Variants in GRIK4 observed in about 807,000 individuals in gnomAD.
GRIK4 encodes the protein glutamate ionotropic receptor kainate type subunit 4.
Under a neutral mutation model 104.9 loss-of-function variants are expected in GRIK4, and 40 were observed. That is an observed-to-expected ratio of 0.38 (90% CI 0.30 to 0.50). The LOEUF (loss-of-function observed/expected upper bound fraction) is 0.50. Among genes scored for constraint, GRIK4 ranks in the 20% least tolerant of loss-of-function variants. The pLI is 0.93. For synonymous variants in GRIK4, 485 were observed against 524.9 expected (o/e 0.92, Z 1.04); for missense variants, 1,047 against 1,308.1 (o/e 0.80, Z 3.08).
chr11:120,639,721 C>T (rs1019376711), intron 1 of GRIK4, among the ~76,000 whole-genome samples: 5 of 152,220 alleles, frequency 3.3e-5, no homozygotes, highest in African/African-American at 9.6e-5. Context: ...TATCTGTCTC[C>T]AGGACCTCTT....
intron 3 of GRIK4, among the ~76,000 whole-genome samples, chr11:120,711,566 AAGAGCAG>A (rs1181344904): frequency 6.6e-6 from 1 of 152,190 alleles, no homozygotes; most frequent in Non-Finnish European, 1.5e-5. Context: ...TTCAGAATCT[AAGAGCAG>A]AGACTCCCAA....
chr11:120,982,661 A>G (rs959691163), intron 20 of GRIK4, among the ~76,000 whole-genome samples: 1 of 152,222 alleles, frequency 6.6e-6, no homozygotes, highest in Non-Finnish European at 1.5e-5. Flanking sequence ...ACAGTTTGAA[A>G]AGAAGGAAGA....
chr11:120,563,345 C>T (rs1405605103), intron 1 of GRIK4, among the ~76,000 whole-genome samples: 1 of 152,098 alleles, frequency 6.6e-6, no homozygotes, highest in African/African-American at 2.4e-5. Flanking sequence ...TCCAGCTTCT[C>T]TGGGCTCCAG....
rs575269661 is a variant in GRIK4, at chr11:120,520,601, A to G, written c.-159+8714A>G. On this transcript the variant is annotated intron_variant, in intron 1 of 20. Transcript: ENST00000527524. ...GACAGGACTTTAGGAGGTTAAAAGC[A>G]GTCCTGCCCCCACTGGACCAACCAG... Among the ~76,000 whole-genome samples, 134 of 152,318 alleles carry G rather than the reference A, an allele frequency of 8.8e-4. 2 individuals carry two copies. The highest frequency in any genetic ancestry group is 3.4e-4 in the Non-Finnish European group (23 of 68,032).
chr11:120,787,997 C>T (rs1195429903), intron 3 of GRIK4, among the ~76,000 whole-genome samples: 1 of 149,890 alleles, frequency 6.7e-6, no homozygotes, highest in African/African-American at 2.5e-5. Context: ...TCCCTAGTAG[C>T]TGAGACTGCA....
intron 4 of GRIK4, among the ~76,000 whole-genome samples, chr11:120,812,127 C>T (rs141017031): frequency 3.3e-5 from 5 of 152,248 alleles, no homozygotes; most frequent in African/African-American, 4.8e-5. Context: ...TGGCAGTAGA[C>T]GTAGGAAGGA....
intron 13 of GRIK4, among the ~76,000 whole-genome samples, chr11:120,925,252 C>A (rs965298106): frequency 2.0e-5 from 3 of 152,138 alleles, no homozygotes; most frequent in African/African-American, 7.2e-5. Context: ...TCTCACCATT[C>A]CTAATTACAG....
chr11:120,986,281 G>A lies in GRIK4; in HGVS notation c.*21G>A, dbSNP rs934269740. On this transcript the variant is annotated 3_prime_UTR_variant, in exon 21 of 21. Coordinates refer to ENST00000527524, the MANE Select transcript of GRIK4 (RefSeq NM_014619.5). ...AGTAGTCCCGGAGGCCACAGGACGC[G>A]CAGAGGCCGGGCGGGGCGGGAGGGG... 15 of 1,417,428 alleles carry A rather than the reference G, an allele frequency of 1.1e-5. No individual in the cohort carries two copies. Among genetic ancestry groups the A allele is most frequent in the Non-Finnish European group, 1.3e-5 (14 of 1,060,024 alleles). The allele number at this position is 1,417,428 out of a possible 1,614,324, so 87.8% of individuals were successfully genotyped here.
chr11:120,847,344 A>G (rs1046066379), intron 8 of GRIK4, among the ~76,000 whole-genome samples: 2 of 152,212 alleles, frequency 1.3e-5, no homozygotes, highest in Non-Finnish European at 2.9e-5. Flanking sequence ...CCAGGAGGTC[A>G]GACTAGAGGG....
intron 4 of GRIK4, among the ~76,000 whole-genome samples, chr11:120,808,534 G>A (rs1262434015): frequency 6.6e-6 from 1 of 152,170 alleles, no homozygotes; most frequent in African/African-American, 2.4e-5. Context: ...GGCGATGGCG[G>A]TCTTGAGTTC....
chr11:120,701,455 C>A (rs1414740870), intron 3 of GRIK4, among the ~76,000 whole-genome samples: 1 of 152,084 alleles, frequency 6.6e-6, no homozygotes, highest in Non-Finnish European at 1.5e-5. Context: ...ATGGCAGGAT[C>A]TCCTTTTTAA....
chr11:120,603,011 A>G (rs1948907481), intron 1 of GRIK4, among the ~76,000 whole-genome samples: 1 of 152,162 alleles, frequency 6.6e-6, no homozygotes, highest in African/African-American at 2.4e-5. Flanking sequence ...CCAGTGTCTT[A>G]TTAATATTAG....
At chr11:120,959,501 T>G (rs1944241014) in intron 16 of GRIK4, among the ~76,000 whole-genome samples, 1 of 152,242 alleles carries the variant, frequency 6.6e-6, no homozygotes, top group East Asian at 1.9e-4. Flanking sequence ...TAAAGCCCCA[T>G]GAACTCAGGC....
rs1948116036 is a variant in GRIK4, at chr11:120,549,232, GGGATT to G, written c.-159+37346_-159+37350del. ...TACTGCCTCAGCCTCCCAAGTAGCT[GGGATT>G]ACAGGCACACGCCACTACACCTGGC... On this transcript the variant is annotated intron_variant, in intron 1 of 20. Transcript: ENST00000527524. The surrounding 1 kb of genome is among the most constrained non-coding windows in gnomAD (Gnocchi z 4.7). Among the ~76,000 whole-genome samples, 1 of 152,010 alleles carries G rather than the reference GGGATT, an allele frequency of 6.6e-6. No homozygotes were observed. The highest frequency in any genetic ancestry group is 1.5e-5 in the Non-Finnish European group (1 of 68,004).
chr11:120,748,401 C>T (rs1485252414), intron 3 of GRIK4, among the ~76,000 whole-genome samples: 1 of 152,038 alleles, frequency 6.6e-6, no homozygotes, highest in East Asian at 1.9e-4. Flanking sequence ...GTACGCAGGC[C>T]CCATGTCTGT....
chr11:120,581,778 G>GT (rs1179095811), intron 1 of GRIK4, among the ~76,000 whole-genome samples: 1 of 151,188 alleles, frequency 6.6e-6, no homozygotes, highest in Non-Finnish European at 1.5e-5. Context: ...ATCATGTACT[G>GT]TTTTATTTCA....
rs1271256218 is a variant in GRIK4, at chr11:120,819,832, C to T, written c.423C>T (p.Pro141=). 4 of 1,614,150 alleles carry T rather than the reference C, an allele frequency of 2.5e-6. No homozygotes were observed. The highest frequency in any genetic ancestry group is 2.7e-5 in the African/African-American group (2 of 75,052). ...FQRFTTLNLH[P]SNTDISVAVA... is the part of the protein sequence containing the mutation. ...GATTCACAACCCTGAACCTCCACCC[C>T]AGCAACACTGACATCAGCGTGGCTG... The change falls in exon 6 of 21, where the codon CCC becomes CCT. Residue 141 remains proline, a synonymous_variant. Transcript: ENST00000527524. This position sits in a 1 kb window ranked among gnomAD's most constrained non-coding sequence, Gnocchi z 4.3.
At chr11:120,647,129 C>T (rs1274307895) in intron 1 of GRIK4, among the ~76,000 whole-genome samples, 1 of 152,172 alleles carries the variant, frequency 6.6e-6, no homozygotes, top group East Asian at 1.9e-4. Context: ...CCACATCCTA[C>T]AGAGACTGGC....
chr11:120,668,504 C>G (rs1161262332), intron 3 of GRIK4, among the ~76,000 whole-genome samples: 1 of 152,220 alleles, frequency 6.6e-6, no homozygotes, highest in East Asian at 1.9e-4. Context: ...AAGCTCCCAT[C>G]ACTCCCTGTG....
Sources: allele counts gnomAD v4.1 joint callset (sites outside exome capture counted in the v4.1 genomes callset), GRCh38; gene constraint gnomAD v4.1.1; non-coding constraint Gnocchi (gnomAD v3.1); transcripts MANE v1.5; gene names NCBI Gene and HGNC (gene_info 2026-07-23, HGNC 2026-07-21).